Variants in EPHA6 observed in about 807,000 individuals in gnomAD.
The protein encoded by EPHA6 is EPH receptor A6.
EPHA6 carries 50 observed loss-of-function variants against 112.0 expected under a neutral mutation model. That is an observed-to-expected ratio of 0.45 (90% CI 0.36 to 0.56). The LOEUF (loss-of-function observed/expected upper bound fraction) is 0.56. Among genes scored for constraint, EPHA6 ranks in the 20% least tolerant of loss-of-function variants. EPHA6 has a pLI of 0.00. For missense variants in EPHA6, 1,280 were observed against 1,417.4 expected (o/e 0.90, Z 1.56); for synonymous variants, 529 against 490.7 (o/e 1.08, Z -1.03).
chr3:96,818,534 G>A (rs554411095), intron 1 of EPHA6, among the ~76,000 whole-genome samples: 29 of 151,912 alleles, frequency 1.9e-4, no homozygotes, highest in African/African-American at 4.8e-4. Flanking sequence ...TAATTTGAGC[G>A]AATCAACTGC....
chr3:97,346,467 G>T (rs565861621), intron 5 of EPHA6, among the ~76,000 whole-genome samples: 1 of 152,202 alleles, frequency 6.6e-6, no homozygotes, highest in East Asian at 1.9e-4. Context: ...GTCCACAGAT[G>T]ATATGATGGT....
chr3:97,558,526 TC>T (rs1308613949), intron 11 of EPHA6, among the ~76,000 whole-genome samples: 3 of 151,976 alleles, frequency 2.0e-5, no homozygotes, highest in African/African-American at 4.8e-5. Context: ...TTTCCCCCTT[TC>T]CCCCATTCTC....
chr3:97,481,384 C>G lies in EPHA6; in HGVS notation c.2074+2020C>G, dbSNP rs576710123. On this transcript the variant is annotated intron_variant, in intron 9 of 17. Coordinates refer to ENST00000389672, the MANE Select transcript of EPHA6 (RefSeq NM_001080448.3). ...TATTCTGAGAAGGAGTTTCTACTCCCTGAAATTTTTTGCTGTGGGTTTTAT... is the reference window on the plus strand; with the variant it reads ...TATTCTGAGAAGGAGTTTCTACTCCGTGAAATTTTTTGCTGTGGGTTTTAT... 2.6e-3 allele frequency: 3,967 copies of G among 1,512,718 alleles called. 5 individuals carry two copies. Among genetic ancestry groups the G allele is most frequent in the Non-Finnish European group, 3.3e-3 (3,613 of 1,091,022 alleles). The allele number at this position is 1,512,718 out of a possible 1,614,324, so 93.7% of individuals were successfully genotyped here.
chr3:97,254,619 G>C (rs2079249012), intron 5 of EPHA6, among the ~76,000 whole-genome samples: 1 of 152,174 alleles, frequency 6.6e-6, no homozygotes, highest in Non-Finnish European at 1.5e-5. Flanking sequence ...TAAGGTGATG[G>C]TTTTCACATG....
chr3:97,699,973 T>C (rs536564247), intron 14 of EPHA6, among the ~76,000 whole-genome samples: 2 of 152,330 alleles, frequency 1.3e-5, no homozygotes, highest in South Asian at 2.1e-4. Flanking sequence ...TTTTAAATGA[T>C]GATGCTTTAT....
chr3:97,527,526 A>C (rs1231617715), intron 10 of EPHA6, among the ~76,000 whole-genome samples: 1 of 152,092 alleles, frequency 6.6e-6, no homozygotes, highest in African/African-American at 2.4e-5. Flanking sequence ...TGGTGAGGGA[A>C]GGATTTTGTA....
At chr3:97,341,889 A>G (rs2083323730) in intron 5 of EPHA6, among the ~76,000 whole-genome samples, 1 of 152,218 alleles carries the variant, frequency 6.6e-6, no homozygotes, top group Non-Finnish European at 1.5e-5. Flanking sequence ...ACTGACAGAT[A>G]GAAATTTGCA....
At chr3:96,877,850 TAAAG>T (rs2037066082) in intron 2 of EPHA6, among the ~76,000 whole-genome samples, 1 of 151,596 alleles carries the variant, frequency 6.6e-6, no homozygotes, top group African/African-American at 2.4e-5. Flanking sequence ...TCAATGAAAT[TAAAG>T]AAGTCTTTCA....
At chr3:97,356,047 T>G (rs2084058550) in intron 5 of EPHA6, among the ~76,000 whole-genome samples, 1 of 152,214 alleles carries the variant, frequency 6.6e-6, no homozygotes, top group Admixed American at 6.5e-5. Context: ...CGAGCAAAGC[T>G]TCATCTGTAT....
intron 3 of EPHA6, among the ~76,000 whole-genome samples, chr3:97,005,871 TA>T (rs1160279594): frequency 6.6e-6 from 1 of 152,206 alleles, no homozygotes; most frequent in Admixed American, 6.5e-5. Context: ...TCTATTGAGA[TA>T]ATCATGTGAT....
intron 3 of EPHA6, among the ~76,000 whole-genome samples, chr3:97,078,946 A>G (rs2046627495): frequency 1.3e-5 from 2 of 152,216 alleles, no homozygotes; most frequent in Non-Finnish European, 2.9e-5. Flanking sequence ...TTGTGAAGAC[A>G]GTGTGGCGAT....
At chr3:97,003,510 A>G (rs1191054142) in intron 3 of EPHA6, among the ~76,000 whole-genome samples, 1 of 152,132 alleles carries the variant, frequency 6.6e-6, no homozygotes, top group African/African-American at 2.4e-5. Flanking sequence ...ATTCCCACAG[A>G]GTTTCTTGTT....
intron 7 of EPHA6, among the ~76,000 whole-genome samples, chr3:97,457,794 C>T (rs1300741937): frequency 6.6e-6 from 1 of 151,884 alleles, no homozygotes; most frequent in African/African-American, 2.4e-5. Context: ...TGGCCGGGCG[C>T]GGTGGCTCAT....
At chr3:97,553,984 T>C (rs1390991945) in intron 11 of EPHA6, among the ~76,000 whole-genome samples, 1 of 152,198 alleles carries the variant, frequency 6.6e-6, no homozygotes, top group Non-Finnish European at 1.5e-5. Flanking sequence ...GCCTTGTTTA[T>C]GATTCATGAA....
chr3:97,060,631 G>T (rs1466926172), intron 3 of EPHA6, among the ~76,000 whole-genome samples: 1 of 152,178 alleles, frequency 6.6e-6, no homozygotes, highest in African/African-American at 2.4e-5. Context: ...AAGAAAGTCG[G>T]CCGGGCGCGG....
chr3:97,668,911 C>CAAAAAAA lies in EPHA6; in HGVS notation c.2784+30856_2784+30862dup, dbSNP rs397990599. On this transcript the variant is annotated intron_variant, in intron 14 of 17. Coordinates refer to ENST00000389672, the MANE Select transcript of EPHA6 (RefSeq NM_001080448.3). ...TGTGTGACAGAGTGAGACTCTGTCTCAAAAAAAAAAAAAAAAAAAAAAAAA... is the reference window on the plus strand; with the variant it reads ...TGTGTGACAGAGTGAGACTCTGTCTCAAAAAAAAAAAAAAAAAAAAAAAAAAAAAAAA... Among the ~76,000 whole-genome samples the CAAAAAAA allele has an allele frequency of 1.8e-3, 59 of 31,916 alleles. 12 individuals carry two copies. The highest frequency in any genetic ancestry group is 1.8e-3 in the Non-Finnish European group (34 of 18,820). 20.9% of individuals were successfully genotyped at this position (31,916 alleles called of 152,430 possible). A position where few individuals can be genotyped will look rare whatever the true frequency, so the allele number is the denominator to read the frequency against.
chr3:97,466,517 G>A (rs538385070), intron 7 of EPHA6: 31 of 938,938 alleles, frequency 3.3e-5, no homozygotes, highest in South Asian at 3.3e-4. Flanking sequence ...TGTGAGGGTC[G>A]GGCCAAATCC....
intron 3 of EPHA6, among the ~76,000 whole-genome samples, chr3:97,212,261 T>C (rs951237559): frequency 6.6e-6 from 1 of 152,216 alleles, no homozygotes; most frequent in Admixed American, 6.5e-5. Flanking sequence ...TAAAACCAAA[T>C]ATGAAGAAAG....
chr3:97,164,137 A>G (rs751882260), intron 3 of EPHA6, among the ~76,000 whole-genome samples: 14 of 152,176 alleles, frequency 9.2e-5, no homozygotes, highest in Non-Finnish European at 1.8e-4. Flanking sequence ...TTTGACATAC[A>G]TGTCCAAAAA....
Sources: gnomAD v4.1 joint callset for allele counts (sites outside exome capture counted in the v4.1 genomes callset) on GRCh38, gnomAD v4.1.1 for gene constraint, MANE v1.5 for transcripts, NCBI Gene and HGNC (gene_info 2026-07-23, HGNC 2026-07-21) for gene names.